The following DRC3 variants were observed in gnomAD, a reference collection of about 807,000 sequenced individuals.
The protein encoded by DRC3 is leucine rich repeat containing 48.
In DRC3, 45 loss-of-function variants were observed where a neutral mutation model predicts 57.6. That is an observed-to-expected ratio of 0.78 (90% CI 0.62 to 1.00). The LOEUF (loss-of-function observed/expected upper bound fraction) is 1.00. Ranked by LOEUF, DRC3 falls within the 50% of genes least tolerant of loss-of-function variation. The pLI, the probability that DRC3 is intolerant of heterozygous loss-of-function variation, is 0.00. For synonymous variants in DRC3, 257 were observed against 272.3 expected (o/e 0.94, Z 0.55); for missense variants, 655 against 675.2 (o/e 0.97, Z 0.33).
At chr17:17,999,624 G>A (rs912922595) in intron 9 of DRC3, among the ~76,000 whole-genome samples, 1 of 152,244 alleles carries the variant, frequency 6.6e-6, no homozygotes, top group Non-Finnish European at 1.5e-5. Context: ...CTGCAGCCAT[G>A]TAAGGCTTGG....
At chr17:17,974,176 T>C (rs2042276761) in intron 2 of DRC3, among the ~76,000 whole-genome samples, 1 of 152,240 alleles carries the variant, frequency 6.6e-6, no homozygotes, top group African/African-American at 2.4e-5. Flanking sequence ...TTAATTAACC[T>C]TTTTAACTAG....
At chr17:18,012,431 G>A (rs926107114) in intron 12 of DRC3, among the ~76,000 whole-genome samples, 1 of 152,190 alleles carries the variant, frequency 6.6e-6, no homozygotes, top group Non-Finnish European at 1.5e-5. Context: ...TGTAATCCCA[G>A]CACTTTGGGA....
At chr17:17,984,212 A>G (rs2042849636) in intron 4 of DRC3, among the ~76,000 whole-genome samples, 1 of 152,162 alleles carries the variant, frequency 6.6e-6, no homozygotes, top group Non-Finnish European at 1.5e-5. Context: ...TTCAGTCTGG[A>G]TGGGGTACAA....
In DRC3 at chr17:18,008,388, T is replaced by C. The variant is rs151321350; in HGVS notation, c.1326+1241T>C. ...CTGGCTGATGTGTATTTGCTGCTGA[T>C]GTGACTATTCACACTACATGTAAGC... On this transcript the variant is annotated intron_variant, in intron 12 of 13. Coordinates refer to ENST00000399187, the MANE Select transcript of DRC3 (RefSeq NM_031294.4). The surrounding 1 kb of genome is among the most constrained non-coding windows in gnomAD (Gnocchi z 4.3). Among the ~76,000 whole-genome samples, 167 of 152,352 alleles carry C rather than the reference T, an allele frequency of 1.1e-3. 2 individuals carry two copies. Among genetic ancestry groups the C allele is most frequent in the Non-Finnish European group, 2.0e-3 (136 of 68,034 alleles).
chr17:17,975,525 C>CCA (rs1555621436), intron 2 of DRC3, among the ~76,000 whole-genome samples: 3 of 145,396 alleles, frequency 2.1e-5, no homozygotes, highest in African/African-American at 7.8e-5. Context: ...ACCCCCCCCC[C>CCA]AAAAAAAAGG....
intron 1 of DRC3, 66 bp from the exon 2 acceptor site, chr17:17,973,783 CTTA>C (rs1001056982): frequency 8.5e-5 from 13 of 152,306 alleles, no homozygotes; most frequent in South Asian, 4.1e-4. Context: ...CAATTTTCTC[CTTA>C]TTAATTCATG....
At chr17:17,984,477 A>G (rs768435495) in intron 4 of DRC3, among the ~76,000 whole-genome samples, 4 of 152,174 alleles carry the variant, frequency 2.6e-5, no homozygotes, top group Non-Finnish European at 5.9e-5. Context: ...TGCCAAGGCC[A>G]TGGAGGGTTT....
chr17:17,994,502 T>C, intron 7 of DRC3, 84 bp downstream of exon 7: 1 of 1,492,084 alleles, frequency 6.7e-7, no homozygotes, highest in African/African-American at 1.4e-5. Context: ...TCCTCAGGGA[T>C]CCCCAGGCTC....
chr17:18,006,899 C>T (rs2043973939), intron 11 of DRC3, 125 bp from the exon 12 acceptor site: 17 of 1,445,548 alleles, frequency 1.2e-5, no homozygotes, highest in East Asian at 2.6e-5. Context: ...TGTGAGTGGA[C>T]GGTGCTGCCA....
At chr17:17,991,472 A>G (rs1169199147) in intron 5 of DRC3, among the ~76,000 whole-genome samples, 1 of 146,966 alleles carries the variant, frequency 6.8e-6, no homozygotes, top group Non-Finnish European at 1.5e-5. Context: ...TTTTTTTTGT[A>G]TTTTTAGTAG....
chr17:17,979,225 G>A (rs1597535861), intron 3 of DRC3, among the ~76,000 whole-genome samples: 2 of 152,340 alleles, frequency 1.3e-5, no homozygotes, highest in South Asian at 4.1e-4. Flanking sequence ...CTCTGCTGAG[G>A]AAGCCACTGT....
rs1402573819 is a variant in DRC3, at chr17:18,016,693, T to G, written c.*22T>G. The stretch of plus-strand genomic sequence containing the variant: ...CTAGATGAATGTCAGCCACAGGAGC[T>G]TCTTCAAAACATAGCACCAGCCCCA... On this transcript the variant is annotated 3_prime_UTR_variant, in exon 14 of 14. Transcript: ENST00000399187. 1 of 1,525,046 alleles carries G rather than the reference T, an allele frequency of 6.6e-7. No individual in the cohort carries two copies. The highest frequency in any genetic ancestry group is 1.1e-5 in the South Asian group (1 of 88,602). 94.5% of individuals were successfully genotyped at this position (1,525,046 alleles called of 1,614,324 possible).
intron 10 of DRC3, 192 bp downstream of exon 10, chr17:18,004,686 T>A: frequency 1.7e-6 from 1 of 603,192 alleles, no homozygotes; most frequent in Non-Finnish European, 2.8e-6. Flanking sequence ...TGGAAGTGAT[T>A]CTTGTGGAAA....
At chr17:18,000,056 C>T (rs2043637608) in intron 9 of DRC3, among the ~76,000 whole-genome samples, 1 of 146,328 alleles carries the variant, frequency 6.8e-6, no homozygotes, top group Non-Finnish European at 1.5e-5. Flanking sequence ...GCATAGCATG[C>T]CCTGTTTTGT....
chr17:17,978,763 G>A (rs373646433), intron 3 of DRC3, among the ~76,000 whole-genome samples: 20 of 152,242 alleles, frequency 1.3e-4, no homozygotes, highest in Admixed American at 5.9e-4. Context: ...GAACAGGTGC[G>A]GCAGGAGGGG....
intron 12 of DRC3, among the ~76,000 whole-genome samples, chr17:18,014,834 T>A (rs1431904982): frequency 6.6e-6 from 1 of 152,196 alleles, no homozygotes; most frequent in African/African-American, 2.4e-5. Flanking sequence ...CTTTGAACCA[T>A]TCCCAGAGCC....
rs5819640 is a variant in DRC3 at position 18,016,873 on chromosome 17, TAAAAAA to T, written c.*213_*218del. 1,536 of 302,928 alleles carry T rather than the reference TAAAAAA, an allele frequency of 5.1e-3. 17 individuals carry two copies. Among genetic ancestry groups the T allele is most frequent in the East Asian group, 0.031 (540 of 17,340 alleles). The allele number at this position is 302,928 out of a possible 1,614,324, so 18.8% of individuals were successfully genotyped here. On this transcript the variant is annotated 3_prime_UTR_variant, in exon 14 of 14. Transcript: ENST00000399187. The stretch of plus-strand genomic sequence containing the variant: ...ACTCATTTCACATTTCCCCTACTCA[TAAAAAA>T]AAAAAAAAAATCAGCTGGGTGCGGT...
intron 12 of DRC3, chr17:18,010,923 C>A: frequency 3.7e-6 from 1 of 268,190 alleles, no homozygotes. Flanking sequence ...TCCTGGGGGC[C>A]TCTCTCAAGG....
chr17:18,011,817 G>T, intron 12 of DRC3: 1 of 183,010 alleles, frequency 5.5e-6, no homozygotes, highest in Admixed American at 5.4e-5. Flanking sequence ...CTTCAGCTGT[G>T]GCTACAACAC....
Sources: allele counts gnomAD v4.1 joint callset (sites outside exome capture counted in the v4.1 genomes callset), GRCh38; gene constraint gnomAD v4.1.1; non-coding constraint Gnocchi (gnomAD v3.1); transcripts MANE v1.5; gene names NCBI Gene and HGNC (gene_info 2026-07-23, HGNC 2026-07-21).